VWA5A: variants seen among roughly 807,000 people sequenced by gnomAD.
The protein encoded by VWA5A is von Willebrand factor A domain-containing protein 5A.
A neutral mutation model predicts 84.6 loss-of-function variants in VWA5A; 77 were observed. The observed-to-expected ratio is 0.91, with a 90% CI of 0.76 to 1.10. The LOEUF is 1.10. Among genes scored for constraint, VWA5A ranks in the 50% least tolerant of loss-of-function variants. VWA5A has a pLI of 0.00. For synonymous variants in VWA5A, 334 were observed against 350.1 expected, an observed-to-expected ratio of 0.95 and a Z score of 0.51; for missense variants, 973 against 963.0, an observed-to-expected ratio of 1.01 and a Z score of -0.14.
At chr11:124,135,259 A>G (rs1228190199) in intron 12 of VWA5A, among the ~76,000 whole-genome samples, 1 of 152,192 alleles carries the variant, frequency 6.6e-6, no homozygotes, top group Non-Finnish European at 1.5e-5. Flanking sequence ...CAGTAGCTGC[A>G]AGCTCAGAGA....
chr11:124,117,696 A>G lies in VWA5A; in HGVS notation c.67A>G (p.Ser23Gly). Residue 23 changes from serine (S) to glycine (G), a missense_variant, in exon 4 of 19, where the codon AGC becomes GGC. By Grantham distance (56) the Ser-to-Gly change is moderately conservative (BLOSUM62 0). Coordinates refer to ENST00000456829, the MANE Select transcript of VWA5A (RefSeq NM_001130142.2). ...EPVPLKSISV[S>G]VNIYEFVAGV... ...AGTGCCGCTGAAGAGTATCTCTGTG[A>G]GCGTGAACATTTACGAGTTTGTGGC... 1 of 1,614,210 alleles carries G rather than the reference A, an allele frequency of 6.2e-7. No homozygotes were observed. Among genetic ancestry groups the G allele is most frequent in the African/African-American group, 1.3e-5 (1 of 75,054 alleles).
In VWA5A at chr11:124,146,280, C is replaced by A. The variant is rs1315825025; in HGVS notation, c.*335C>A. On this transcript the variant is annotated 3_prime_UTR_variant, in exon 19 of 19. Transcript: ENST00000456829. ...GACATGAACTACAGACTAAAGATTG[C>A]AGCATTTATGTTAGAGAATGCTTGA... 2 of 218,706 alleles carry A rather than the reference C, an allele frequency of 9.1e-6. No homozygotes were observed. Among genetic ancestry groups the A allele is most frequent in the African/African-American group, 2.3e-5 (1 of 42,672 alleles). The allele number at this position is 218,706 out of a possible 1,614,324, so 13.5% of individuals were successfully genotyped here.
At chr11:124,145,672 CTGTT>C (rs1297754871) in intron 18 of VWA5A, among the ~76,000 whole-genome samples, 190 bp from the exon 19 acceptor site, 1 of 152,110 alleles carries the variant, frequency 6.6e-6, no homozygotes, top group Non-Finnish European at 1.5e-5. Flanking sequence ...GTTCTCCTGG[CTGTT>C]TGTTATCTCA....
Position 124,138,245 on chromosome 11 carries a change from G to A in VWA5A, c.1879+977G>A, listed in dbSNP as rs367946937. ...ATACCTAGGTTGATTCCATGACTTGGCTATTGTGAATAGTGCTGATATCTC... is the reference window on the plus strand; with the variant it reads ...ATACCTAGGTTGATTCCATGACTTGACTATTGTGAATAGTGCTGATATCTC... On this transcript the variant is annotated intron_variant, in intron 15 of 18. Coordinates refer to ENST00000456829, the MANE Select transcript of VWA5A (RefSeq NM_001130142.2). 8.5e-5 allele frequency among the ~76,000 whole-genome samples: 13 copies of A among 152,144 alleles called. No homozygotes were observed. The East Asian group carries it at 2.1e-3, about 25-fold the overall frequency.
chr11:124,117,479 G>A lies in VWA5A; in HGVS notation c.-15-18G>A. 1.9e-6 allele frequency: 3 copies of A among 1,613,370 alleles called. No individual in the cohort carries two copies. The highest frequency in any genetic ancestry group is 2.5e-6 in the Non-Finnish European group (3 of 1,179,326). ...AACTTCCAACATGTCCTCTGTTTGT[G>A]ATATGTCTTTTCTGCAGAAATCTTG... On this transcript the variant is annotated intron_variant, in intron 2 of 18. Transcript: ENST00000456829.
Position 124,118,298 on chromosome 11 carries a change from C to T in VWA5A, c.356C>T (p.Pro119Leu). 1 of 1,614,194 alleles carries T rather than the reference C, an allele frequency of 6.2e-7. No individual in the cohort carries two copies. The highest frequency in any genetic ancestry group is 1.1e-5 in the South Asian group (1 of 91,082). The change falls in exon 5 of 19, where the codon CCT becomes CTT. Residue 119 changes from proline to leucine, a missense_variant. Transcript: ENST00000456829. ...VFSCNVGNLQ[P>L]GSKAAVTLKY... ...TCTTGCAATGTGGGTAACCTCCAAC[C>T]TGGGTCGAAGGCGGCAGTCACCCTG...
chr11:124,141,042 G>A (rs7118550), intron 15 of VWA5A, among the ~76,000 whole-genome samples: 2,571 of 152,314 alleles, frequency 0.017, 85 homozygotes, highest in African/African-American at 0.058. Context: ...ATCTACATGG[G>A]TGATGAAATC....
Position 124,118,384 on chromosome 11 carries a change from G to C in VWA5A, c.442G>C (p.Val148Leu). ...DGALRFVLPA[V>L]LNPRYQFSGS... is the part of the protein sequence containing the mutation. ...GGCTCTGCGCTTTGTGCTCCCAGCTGTCCTGAATCCTAGATACCAGTTCTC... is the reference window on the plus strand; with the variant it reads ...GGCTCTGCGCTTTGTGCTCCCAGCTCTCCTGAATCCTAGATACCAGTTCTC... Residue 148 changes from valine (V) to leucine (L), a missense_variant, in exon 5 of 19, where the codon GTC becomes CTC. Val to Leu is a conservative substitution (Grantham distance 32). Transcript: ENST00000456829. 6.2e-7 allele frequency: 1 copy of C among 1,614,202 alleles called. No homozygotes were observed. Among genetic ancestry groups the C allele is most frequent in the Middle Eastern group, 1.6e-4 (1 of 6,062 alleles).
At chr11:124,145,477 A>G (rs1591368635) in intron 18 of VWA5A, 114 bp downstream of exon 18, 1 of 1,373,202 alleles carries the variant, frequency 7.3e-7, no homozygotes, top group Non-Finnish European at 9.6e-7. Flanking sequence ...GATCTTTACT[A>G]ATCTTTCTGC....
chr11:124,123,386 G>A lies in VWA5A; in HGVS notation c.951G>A (p.Leu317=), dbSNP rs774244437. 3.7e-6 allele frequency: 6 copies of A among 1,613,828 alleles called. No individual in the cohort carries two copies. Among genetic ancestry groups the A allele is most frequent in the Non-Finnish European group, 4.2e-6 (5 of 1,179,948 alleles). Residue 317 remains leucine, a synonymous_variant, in exon 9 of 19, where the codon CTG becomes CTA. Coordinates refer to ENST00000456829, the MANE Select transcript of VWA5A (RefSeq NM_001130142.2). ...TTCAGGAAACACTGATTTTGCTGCTGAAGAGTTTACCTATAGGCTGTTATT... is the reference window on the plus strand; with the variant it reads ...TTCAGGAAACACTGATTTTGCTGCTAAAGAGTTTACCTATAGGCTGTTATT... ...QAAKETLILL[L]KSLPIGCYFN...
chr11:124,139,225 T>TGTGTGTGTGTG (rs1860678571), intron 15 of VWA5A, among the ~76,000 whole-genome samples: 4 of 147,326 alleles, frequency 2.7e-5, no homozygotes, highest in South Asian at 2.2e-4. Context: ...AGCATTTTGT[T>TGTGTGTGTGTG]TGTGTGTGTG....
intron 1 of VWA5A, chr11:124,116,252 C>T (rs1864828055): frequency 6.6e-6 from 1 of 152,310 alleles, no homozygotes; most frequent in Non-Finnish European, 1.5e-5. Flanking sequence ...TGCAAGTTGC[C>T]TTTCTGAAGT....
intron 15 of VWA5A, 69 bp from the exon 16 acceptor site, chr11:124,141,529 A>G: frequency 1.9e-6 from 3 of 1,579,816 alleles, no homozygotes; most frequent in South Asian, 1.2e-5. Flanking sequence ...TGTATCTTGA[A>G]TTGTCACAGT....
chr11:124,120,051 T>C (rs61341769), intron 7 of VWA5A, among the ~76,000 whole-genome samples: 7,838 of 152,278 alleles, frequency 0.051, 665 homozygotes, highest in African/African-American at 0.18. Context: ...CCATTTTAAC[T>C]GTTTTTAAGT....
At chr11:124,119,268 T>C (rs563590762) in intron 7 of VWA5A, among the ~76,000 whole-genome samples, 179 bp downstream of exon 7, 2 of 152,348 alleles carry the variant, frequency 1.3e-5, no homozygotes, top group South Asian at 4.1e-4. Flanking sequence ...TCATGTGATA[T>C]GTCTTGTAGG....
chr11:124,117,242 C>G (rs1433214994), intron 2 of VWA5A: 1 of 537,820 alleles, frequency 1.9e-6, no homozygotes, highest in Non-Finnish European at 3.3e-6. Context: ...GTATTTGAAC[C>G]AGCCTCAGGG....
chr11:124,141,478 C>T, intron 15 of VWA5A, 120 bp from the exon 16 acceptor site: 1 of 1,287,926 alleles, frequency 7.8e-7, no homozygotes, highest in South Asian at 1.4e-5. Flanking sequence ...AAAAATAGCA[C>T]AGTAAGGGTG....
Position 124,137,162 on chromosome 11 carries a change from C to A in VWA5A, c.1773C>A (p.Ile591=), listed in dbSNP as rs1397338464. The A allele has an allele frequency of 6.2e-7, 1 of 1,613,908 alleles. No homozygotes were observed. The highest frequency in any genetic ancestry group is 1.3e-5 in the African/African-American group (1 of 74,850). Residue 591 remains isoleucine (I), a synonymous_variant, in exon 15 of 19, where the codon ATC becomes ATA. Coordinates refer to ENST00000456829, the MANE Select transcript of VWA5A (RefSeq NM_001130142.2). ...VISSFTAFIA[I]NKELNKPVQG... is the part of the protein sequence containing the mutation. ...GCTCCTTCACAGCTTTCATTGCTAT[C>A]AATAAGGAGCTCAACAAGCCGGTTC...
chr11:124,127,248 T>C (rs956754716), intron 11 of VWA5A, among the ~76,000 whole-genome samples: 1 of 151,782 alleles, frequency 6.6e-6, no homozygotes, highest in Non-Finnish European at 1.5e-5. Flanking sequence ...CTCCCACATA[T>C]AAGTGAGAAC....
Sources: allele counts gnomAD v4.1 joint callset (sites outside exome capture counted in the v4.1 genomes callset), GRCh38; gene constraint gnomAD v4.1.1; transcripts MANE v1.5; gene names NCBI Gene and HGNC (gene_info 2026-07-23, HGNC 2026-07-21).